Variants in ITCH observed in about 807,000 individuals in gnomAD.
ITCH encodes the protein E3 ubiquitin-protein ligase Itchy homolog.
In ITCH, 28 loss-of-function variants were observed where a neutral mutation model predicts 126.8. That is an observed-to-expected ratio of 0.22 (90% CI 0.16 to 0.30). The LOEUF (loss-of-function observed/expected upper bound fraction) is 0.30, where lower values mean the gene tolerates loss of function less well. Among genes scored for constraint, ITCH ranks in the 10% least tolerant of loss-of-function variants. ITCH has a pLI of 1.00. For synonymous variants in ITCH, 342 were observed against 340.0 expected (o/e 1.01, Z -0.06); for missense variants, 631 against 1,032.4 (o/e 0.61, Z 5.33).
chr20:34,491,927 C>T (rs1989544231), intron 22 of ITCH, among the ~76,000 whole-genome samples: 1 of 152,022 alleles, frequency 6.6e-6, no homozygotes, highest in South Asian at 2.1e-4. Flanking sequence ...ACCAAAAAGT[C>T]TGTACTGACT....
chr20:34,400,646 C>CTTTTTTT (rs760416482), intron 3 of ITCH, among the ~76,000 whole-genome samples: 4 of 120,022 alleles, frequency 3.3e-5, no homozygotes, highest in African/African-American at 6.3e-5. Flanking sequence ...AAAAATTTTT[C>CTTTTTTT]TTTTTTTTTT....
intron 20 of ITCH, 96 bp downstream of exon 20, chr20:34,481,302 A>G: frequency 3.7e-6 from 5 of 1,333,576 alleles, no homozygotes; most frequent in Non-Finnish European, 4.3e-6. Context: ...CAAAAATAGT[A>G]TTTGTCTCTG....
At chr20:34,378,241 C>T (rs888048439) in intron 2 of ITCH, among the ~76,000 whole-genome samples, 1 of 151,746 alleles carries the variant, frequency 6.6e-6, no homozygotes, top group East Asian at 1.9e-4. Context: ...GAGGCCAAGG[C>T]GGGAGGATCA....
chr20:34,379,898 C>G (rs2037990524), intron 2 of ITCH, among the ~76,000 whole-genome samples: 1 of 140,456 alleles, frequency 7.1e-6, no homozygotes, highest in Non-Finnish European at 1.5e-5. Flanking sequence ...CACCCGGCCC[C>G]CCCCCCCCTT....
chr20:34,459,964 C>A (rs1160908845), intron 13 of ITCH, among the ~76,000 whole-genome samples: 1 of 152,086 alleles, frequency 6.6e-6, no homozygotes, highest in African/African-American at 2.4e-5. Flanking sequence ...TAATTTGCTG[C>A]CATTTTTTTG....
At chr20:34,503,145 C>T (rs563045515) in intron 23 of ITCH, among the ~76,000 whole-genome samples, 2 of 152,290 alleles carry the variant, frequency 1.3e-5, no homozygotes, top group East Asian at 3.9e-4. Context: ...TACATAACTA[C>T]TTGTGAAAAC....
intron 14 of ITCH, among the ~76,000 whole-genome samples, chr20:34,468,034 CTTTT>C: frequency 8.2e-6 from 1 of 121,532 alleles, no homozygotes; most frequent in African/African-American, 3.0e-5. Flanking sequence ...ACCTTGGAAA[CTTTT>C]TTTTTTTTTT....
intron 23 of ITCH, among the ~76,000 whole-genome samples, chr20:34,497,005 C>CT (rs111749955): frequency 1.0e-3 from 150 of 150,070 alleles, no homozygotes; most frequent in African/African-American, 2.9e-3. Context: ...AATGATTGTT[C>CT]TTTTTTTTTG....
intron 8 of ITCH, 107 bp from the exon 9 acceptor site, chr20:34,440,048 T>C: frequency 1.3e-6 from 1 of 794,418 alleles, no homozygotes; most frequent in Non-Finnish European, 2.1e-6. Context: ...CATCTACATC[T>C]TAAGTTTTAT....
At chr20:34,491,474 G>A (rs1484292439) in intron 22 of ITCH, among the ~76,000 whole-genome samples, 1 of 152,152 alleles carries the variant, frequency 6.6e-6, no homozygotes, top group Non-Finnish European at 1.5e-5. Context: ...AAATAGTGGC[G>A]ATGGTTGCAC....
intron 20 of ITCH, 48 bp downstream of exon 20, chr20:34,481,254 A>G (rs375373149): frequency 2.6e-6 from 4 of 1,551,338 alleles, no homozygotes; most frequent in African/African-American, 1.4e-5. Flanking sequence ...ACTACAGCAC[A>G]TTGATAATTG....
intron 13 of ITCH, among the ~76,000 whole-genome samples, chr20:34,459,227 G>T (rs1986290674): frequency 6.6e-6 from 1 of 152,172 alleles, no homozygotes; most frequent in African/African-American, 2.4e-5. Flanking sequence ...AAAATCAGCA[G>T]AAGGAATAGG....
At chr20:34,402,146 T>A in intron 3 of ITCH, 1 of 1,085,608 alleles carries the variant, frequency 9.2e-7, no homozygotes, top group Non-Finnish European at 1.4e-6. Context: ...GGAGAGATGT[T>A]CCTAGCAGCA....
chr20:34,364,373 A>T (rs916534386), intron 1 of ITCH, among the ~76,000 whole-genome samples: 11 of 151,500 alleles, frequency 7.3e-5, no homozygotes, highest in Non-Finnish European at 1.3e-4. Context: ...AATTAGTAAG[A>T]CCCTGGAGCC....
At chr20:34,454,817 G>GTTTTTTTTTTTT (rs200486269) in intron 12 of ITCH, among the ~76,000 whole-genome samples, 5 of 109,556 alleles carry the variant, frequency 4.6e-5, no homozygotes, top group African/African-American at 1.9e-4. Flanking sequence ...TTCTTTTCCT[G>GTTTTTTTTTTTT]TTTTTTTTTT....
intron 22 of ITCH, among the ~76,000 whole-genome samples, chr20:34,491,766 T>C (rs888971083): frequency 3.3e-5 from 5 of 152,154 alleles, no homozygotes; most frequent in Non-Finnish European, 7.3e-5. Flanking sequence ...TCTAGAAACC[T>C]ATTGTTTTGA....
At chr20:34,415,549 C>T (rs187675099) in intron 6 of ITCH, among the ~76,000 whole-genome samples, 4 of 151,696 alleles carry the variant, frequency 2.6e-5, no homozygotes, top group African/African-American at 9.7e-5. Context: ...CAGAGTGAGA[C>T]TCTCTCTCAA....
chr20:34,449,604 G>GTT, intron 12 of ITCH, 124 bp downstream of exon 12: 1 of 682,974 alleles, frequency 1.5e-6, no homozygotes, highest in Non-Finnish European at 2.6e-6. Context: ...TGTCTGGGAA[G>GTT]TTTTTTTTTA....
chr20:34,388,104 T>G (rs1303521009), intron 2 of ITCH, among the ~76,000 whole-genome samples: 1 of 151,788 alleles, frequency 6.6e-6, no homozygotes, highest in African/African-American at 2.4e-5. Flanking sequence ...TGAAGGCTTT[T>G]TTTTTTTTTT....
Sources: gnomAD v4.1 joint callset for allele counts (sites outside exome capture counted in the v4.1 genomes callset) on GRCh38, gnomAD v4.1.1 for gene constraint, MANE v1.5 for transcripts, NCBI Gene and HGNC (gene_info 2026-07-23, HGNC 2026-07-21) for gene names.